The following NCOR2 variants were observed in gnomAD, a reference collection of about 807,000 sequenced individuals.
NCOR2 encodes CTG repeat protein 26.
NCOR2 carries 81 observed loss-of-function variants against 262.9 expected under a neutral mutation model. That is an observed-to-expected ratio of 0.31 (90% CI 0.26 to 0.37). NCOR2 has a LOEUF of 0.37. Ranked by LOEUF, NCOR2 falls within the 10% of genes least tolerant of loss-of-function variation. The probability of loss-of-function intolerance (pLI) is 1.00; values close to 1 mark genes in which losing one functional copy is unlikely to be tolerated. For synonymous variants in NCOR2, 1,659 were observed against 1,559.3 expected, an observed-to-expected ratio of 1.06 and a Z score of -1.51; for missense variants, 3,385 against 3,621.4, an observed-to-expected ratio of 0.93 and a Z score of 1.68.
chr12:124,394,171 G>A (rs551063515), intron 16 of NCOR2, among the ~76,000 whole-genome samples: 1 of 152,372 alleles, frequency 6.6e-6, no homozygotes, highest in East Asian at 1.9e-4. Flanking sequence ...CTAGCGGCCT[G>A]CCATTTCTGA....
At chr12:124,340,528 C>A in intron 35 of NCOR2, 74 bp downstream of exon 37, 1 of 1,551,300 alleles carries the variant, frequency 6.4e-7, no homozygotes, top group Non-Finnish European at 8.7e-7. Flanking sequence ...GAGAGCAGGG[C>A]TTCTGCCCGC....
At chr12:124,513,439 T>A (rs1039398660) in intron 1 of NCOR2, 1 of 152,064 alleles carries the variant, frequency 6.6e-6, no homozygotes, top group East Asian at 1.9e-4. Flanking sequence ...CTGAGCCAGA[T>A]CCCCAGAAAA....
In NCOR2 at chr12:124,495,170, C is replaced by T. The variant is rs1565996092; in HGVS notation, c.82G>A (p.Val28Met). Reference sequence around the variant, plus strand: ...ACCGTGTGCGTCCGGGCGATCTGCACTGGGTAGGAAAGGCTGTGGGGCGGG... The same window carrying T: ...ACCGTGTGCGTCCGGGCGATCTGCATTGGGTAGGAAAGGCTGTGGGGCGGG... Residue 28 changes from valine to methionine, a missense_variant, in exon 1 of 47, where the codon GTG becomes ATG. By Grantham distance (21) the Val-to-Met change is conservative (BLOSUM62 1). Around this residue, in one of 5 missense-constraint regions of NCOR2, gnomAD observed 237 missense variants for 229.4 expected, o/e 1.03. Coordinates refer to ENST00000405201, the Ensembl canonical transcript of NCOR2. This position sits in a 1 kb window ranked among gnomAD's most constrained non-coding sequence, Gnocchi z 4.4. The T allele has an allele frequency of 6.2e-7, 1 of 1,613,986 alleles. No individual in the cohort carries two copies. Among genetic ancestry groups the T allele is most frequent in the Admixed American group, 1.7e-5 (1 of 60,012 alleles).
At chr12:124,342,216 A>G (rs921246586) in intron 33 of NCOR2, 142 bp from the exon 36 acceptor site, 2 of 987,514 alleles carry the variant, frequency 2.0e-6, no homozygotes, top group Non-Finnish European at 1.5e-6. Context: ...ACAAACCAGA[A>G]CTGAGCGTCG....
At chr12:124,376,916 A>G (rs1940272979) in intron 18 of NCOR2, among the ~76,000 whole-genome samples, 2 of 152,154 alleles carry the variant, frequency 1.3e-5, no homozygotes, top group South Asian at 4.1e-4. Context: ...GAGAGTCAGA[A>G]AGGAGAGTCA....
chr12:124,436,896 T>C (rs2044362956), intron 8 of NCOR2, among the ~76,000 whole-genome samples: 1 of 152,116 alleles, frequency 6.6e-6, no homozygotes, highest in African/African-American at 2.4e-5. Context: ...AAGACCAGCC[T>C]GGTCAATGGA....
intron 1 of NCOR2, among the ~76,000 whole-genome samples, chr12:124,524,949 C>T (rs1444228017): frequency 1.3e-5 from 2 of 152,192 alleles, no homozygotes; most frequent in South Asian, 2.1e-4. Context: ...TACATGAGTC[C>T]GGAACATGCC....
intron 8 of NCOR2, among the ~76,000 whole-genome samples, chr12:124,433,588 C>T (rs912863208): frequency 7.2e-5 from 11 of 152,296 alleles, no homozygotes; most frequent in African/African-American, 2.6e-4. Context: ...TGGCCCCAAG[C>T]ACTGGGCTCT....
intron 1 of NCOR2, among the ~76,000 whole-genome samples, chr12:124,553,901 C>A (rs1201500930): frequency 6.6e-6 from 1 of 152,174 alleles, no homozygotes; most frequent in Non-Finnish European, 1.5e-5. Context: ...CATGCGCCCC[C>A]ACTCCGCAGC....
At chr12:124,487,729 A>C (rs1239274498) in intron 1 of NCOR2, among the ~76,000 whole-genome samples, 1 of 152,274 alleles carries the variant, frequency 6.6e-6, no homozygotes, top group Non-Finnish European at 1.5e-5. Flanking sequence ...ATTGTCCTGT[A>C]CGGTCTTCCT....
intron 30 of NCOR2, chr12:124,347,402 AAAAT>A (rs1326693152): frequency 3.3e-5 from 6 of 180,720 alleles, no homozygotes; most frequent in Non-Finnish European, 5.8e-5. Flanking sequence ...AAAAAAATAA[AAAAT>A]AAAACCCACA....
chr12:124,357,285 A>T (rs1018306281), intron 22 of NCOR2, among the ~76,000 whole-genome samples: 1 of 152,176 alleles, frequency 6.6e-6, no homozygotes, highest in East Asian at 1.9e-4. Flanking sequence ...GTAGCTGGGA[A>T]TACAGGCGCC....
In NCOR2 at chr12:124,470,949, C is replaced by T. The variant is rs552774840; in HGVS notation, c.591+2003G>A. Among the ~76,000 whole-genome samples the T allele has an allele frequency of 4.6e-5, 7 of 152,376 alleles. No individual in the cohort carries two copies. The East Asian group carries it at 1.4e-3, about 29-fold the overall frequency. ...GTGCCAGTGACCCGCAGCTTCAGCCCCACCCCAAGGCCAGGCCTGGAAGCC... is the reference window on the plus strand; with the variant it reads ...GTGCCAGTGACCCGCAGCTTCAGCCTCACCCCAAGGCCAGGCCTGGAAGCC... On this transcript the variant is annotated intron_variant, in intron 4 of 46. Transcript: ENST00000405201.
At position 124,474,215 on chromosome 12, in the gene NCOR2, C is replaced by T. The variant is rs567305975; in HGVS notation, c.412-1084G>A. ...AGTCCAAACACGCAAGTTCCAGAAC[C>T]ATGCAGCCAACACACACGTGGCTTT... On this transcript the variant is annotated intron_variant, in intron 3 of 46. Coordinates refer to ENST00000405201, the Ensembl canonical transcript of NCOR2. Among the ~76,000 whole-genome samples the T allele has an allele frequency of 4.6e-5, 7 of 152,288 alleles. No individual in the cohort carries two copies. In the South Asian group the frequency reaches 1.4e-3, roughly 32 times the overall value.
chr12:124,391,086 G>C (rs1039741557), intron 16 of NCOR2, among the ~76,000 whole-genome samples: 3 of 152,250 alleles, frequency 2.0e-5, no homozygotes, highest in African/African-American at 4.8e-5. Flanking sequence ...CTCGGCTCAG[G>C]TGCTCTGGCC....
intron 40 of NCOR2, 111 bp from the exon 43 acceptor site, chr12:124,334,728 T>C: frequency 1.6e-6 from 1 of 608,232 alleles, no homozygotes; most frequent in Middle Eastern, 4.3e-4. Flanking sequence ...TGGGGCCAGC[T>C]TCCTGGGTGA....
chr12:124,449,146 C>G (rs577221448), intron 7 of NCOR2, among the ~76,000 whole-genome samples: 98 of 152,306 alleles, frequency 6.4e-4, no homozygotes, highest in Middle Eastern at 3.4e-3. Context: ...GCTGCCACAC[C>G]TCCAATGCCT....
intron 20 of NCOR2, among the ~76,000 whole-genome samples, chr12:124,370,194 G>A (rs889088582): frequency 1.2e-4 from 19 of 152,328 alleles, no homozygotes; most frequent in Non-Finnish European, 2.5e-4. Flanking sequence ...TGGGACTGTC[G>A]GGCAAGAAGC....
rs1275733339 is a variant in NCOR2, at chr12:124,440,813, A to T, written c.816-2817T>A. 6.6e-6 allele frequency among the ~76,000 whole-genome samples: 1 copy of T among 152,188 alleles called. No homozygotes were observed. The highest frequency in any genetic ancestry group is 2.4e-5 in the African/African-American group (1 of 41,466). Reference sequence around the variant, plus strand: ...GGTGCAGAAAGATCTCCCAGAGAGGATGGCCTTGAGCTGGGATCTACGTCA... The same window carrying T: ...GGTGCAGAAAGATCTCCCAGAGAGGTTGGCCTTGAGCTGGGATCTACGTCA... On this transcript the variant is annotated intron_variant, in intron 7 of 46. Coordinates refer to ENST00000405201, the Ensembl canonical transcript of NCOR2. This position sits in a 1 kb window ranked among gnomAD's most constrained non-coding sequence, Gnocchi z 5.7.
Sources: allele counts gnomAD v4.1 joint callset (sites outside exome capture counted in the v4.1 genomes callset), GRCh38; gene constraint gnomAD v4.1.1; regional missense constraint gnomAD v4.1.1; non-coding constraint Gnocchi (gnomAD v3.1); transcripts MANE v1.5; gene names NCBI Gene and HGNC (gene_info 2026-07-23, HGNC 2026-07-21).